Variants in NAALADL2 observed in about 807,000 individuals in gnomAD.
NAALADL2 encodes inactive N-acetylated-alpha-linked acidic dipeptidase-like protein 2.
In NAALADL2, 76 loss-of-function variants were observed where a neutral mutation model predicts 87.2. The ratio of observed to expected loss-of-function variants is 0.87; its 90% confidence interval spans 0.72 to 1.05. NAALADL2 has a LOEUF of 1.05. NAALADL2 is among the 50% of genes least tolerant of loss of function. The pLI is 0.00. For synonymous variants in NAALADL2, 354 were observed against 331.0 expected (o/e 1.07, Z -0.75); for missense variants, 1,089 against 945.8 (o/e 1.15, Z -1.99).
chr3:174,509,677 C>T (rs546563955), intron 1 of NAALADL2, among the ~76,000 whole-genome samples: 8 of 146,180 alleles, frequency 5.5e-5, no homozygotes, highest in Non-Finnish European at 7.4e-5. Flanking sequence ...CCGCCCACCT[C>T]GGGCTCCCAA....
Position 175,368,006 on chromosome 3 carries a change from T to A in NAALADL2, c.1090+43681T>A, listed in dbSNP as rs1325839895. ...TGGCTGTGGGTTTGTCATAGATAGC[T>A]CTTATTATTTTGAGATACATCCCAT... is the stretch of plus-strand genomic sequence containing the variant. On this transcript the variant is annotated intron_variant, in intron 5 of 13. Coordinates refer to ENST00000454872, the MANE Select transcript of NAALADL2 (RefSeq NM_207015.3). Among the ~76,000 whole-genome samples, 3 of 152,268 alleles carry A rather than the reference T, an allele frequency of 2.0e-5. No individual in the cohort carries two copies. The East Asian group carries it at 5.8e-4, about 29-fold the overall frequency.
intron 2 of NAALADL2, among the ~76,000 whole-genome samples, chr3:174,609,568 C>T (rs553313649): frequency 6.6e-6 from 1 of 152,212 alleles, no homozygotes; most frequent in East Asian, 1.9e-4. Context: ...TTCACAATTG[C>T]TTCAAGGAGA....
At chr3:174,795,834 A>G (rs544850314) in intron 3 of NAALADL2, among the ~76,000 whole-genome samples, 2 of 152,214 alleles carry the variant, frequency 1.3e-5, no homozygotes, top group Non-Finnish European at 2.9e-5. Context: ...TATCTTCTGT[A>G]GAGAAATTCC....
chr3:175,090,830 TTAATC>T (rs1299828119), intron 1 of NAALADL2, among the ~76,000 whole-genome samples: 5 of 148,088 alleles, frequency 3.4e-5, no homozygotes, highest in East Asian at 4.0e-4. Flanking sequence ...TATATCCTAT[TTAATC>T]TATTAGTGAA....
intron 9 of NAALADL2, among the ~76,000 whole-genome samples, chr3:175,566,770 A>C (rs545729792): frequency 1.3e-5 from 2 of 152,044 alleles, no homozygotes; most frequent in Non-Finnish European, 2.9e-5. Flanking sequence ...TTATATCAGC[A>C]TATCTTTCTT....
chr3:174,971,344 TA>T (rs1317245342), intron 1 of NAALADL2, among the ~76,000 whole-genome samples: 1 of 152,200 alleles, frequency 6.6e-6, no homozygotes, highest in Admixed American at 6.5e-5. Context: ...AATTTCAAAG[TA>T]AAAATTTCTT....
intron 1 of NAALADL2, among the ~76,000 whole-genome samples, chr3:174,903,064 TTCCCCCCCAAA>T (rs1211113803): frequency 2.6e-5 from 4 of 152,070 alleles, no homozygotes; most frequent in African/African-American, 9.7e-5. Context: ...TTCTCAAGTT[TTCCCCCCCAAA>T]TAGCCACTAT....
chr3:175,133,370 C>T (rs533574445), intron 2 of NAALADL2, among the ~76,000 whole-genome samples: 47 of 152,294 alleles, frequency 3.1e-4, no homozygotes, highest in African/African-American at 6.5e-4. Flanking sequence ...CCAAGGCAGG[C>T]GGCTGGGAGG....
chr3:175,700,853 A>G (rs534836587), intron 11 of NAALADL2, among the ~76,000 whole-genome samples: 1 of 152,258 alleles, frequency 6.6e-6, no homozygotes, highest in Non-Finnish European at 1.5e-5. Flanking sequence ...AAAAAATCCC[A>G]TCAGTCTAAA....
chr3:174,541,325 T>A (rs1722199335), intron 1 of NAALADL2, among the ~76,000 whole-genome samples: 1 of 152,188 alleles, frequency 6.6e-6, no homozygotes, highest in Non-Finnish European at 1.5e-5. Flanking sequence ...TATATCTGAA[T>A]GACGTTTCTA....
chr3:175,611,714 A>G (rs1724677484), intron 10 of NAALADL2, among the ~76,000 whole-genome samples: 1 of 152,144 alleles, frequency 6.6e-6, no homozygotes, highest in Admixed American at 6.5e-5. Context: ...TTCTTTCTTT[A>G]TATTTTAATT....
chr3:175,034,671 C>T (rs1365551352), intron 1 of NAALADL2, among the ~76,000 whole-genome samples: 1 of 152,052 alleles, frequency 6.6e-6, no homozygotes, highest in Non-Finnish European at 1.5e-5. Flanking sequence ...ATGCTAGATC[C>T]AAACTGCCGA....
chr3:174,631,851 C>T (rs140119266), intron 2 of NAALADL2: 5 of 152,312 alleles, frequency 3.3e-5, no homozygotes, highest in African/African-American at 1.2e-4. Flanking sequence ...GCTGTGACAT[C>T]TGTCAACACA....
intron 11 of NAALADL2, among the ~76,000 whole-genome samples, chr3:175,714,905 G>A (rs973679208): frequency 1.4e-4 from 21 of 152,168 alleles, no homozygotes; most frequent in Admixed American, 9.8e-4. Context: ...AGACTTAAAC[G>A]TAAGACCTAA....
intron 1 of NAALADL2, among the ~76,000 whole-genome samples, chr3:174,513,092 G>A (rs1326180933): frequency 6.6e-6 from 1 of 151,978 alleles, no homozygotes; most frequent in Non-Finnish European, 1.5e-5. Flanking sequence ...CTCCTGAGTA[G>A]CTGGGATTAC....
At chr3:174,590,016 G>C (rs1349306721) in intron 2 of NAALADL2, among the ~76,000 whole-genome samples, 1 of 152,040 alleles carries the variant, frequency 6.6e-6, no homozygotes, top group South Asian at 2.1e-4. Flanking sequence ...TTTTCCCACT[G>C]TACCTGAGAG....
At chr3:175,557,569 C>T (rs551798387) in intron 9 of NAALADL2, among the ~76,000 whole-genome samples, 2 of 152,140 alleles carry the variant, frequency 1.3e-5, no homozygotes. Context: ...CGTTCCCAGC[C>T]TCTGGTAACC....
intron 4 of NAALADL2, among the ~76,000 whole-genome samples, chr3:175,298,945 G>A (rs532988932): frequency 6.6e-6 from 1 of 152,292 alleles, no homozygotes; most frequent in African/African-American, 2.4e-5. Flanking sequence ...TTAAGTGCAA[G>A]TAAAATGAAA....
chr3:174,468,388 T>C (rs1055485464), intron 1 of NAALADL2, among the ~76,000 whole-genome samples: 3 of 149,228 alleles, frequency 2.0e-5, no homozygotes, highest in African/African-American at 7.4e-5. Flanking sequence ...CTTTTTCTTT[T>C]TTTTTTTTTT....
Sources: gnomAD v4.1 joint callset for allele counts (sites outside exome capture counted in the v4.1 genomes callset) on GRCh38, gnomAD v4.1.1 for gene constraint, MANE v1.5 for transcripts, NCBI Gene and HGNC (gene_info 2026-07-23, HGNC 2026-07-21) for gene names.